FAM13B: variants seen among roughly 807,000 people sequenced by gnomAD.
The protein encoded by FAM13B is family with sequence similarity 13 member B.
In FAM13B, 60 loss-of-function variants were observed where a neutral mutation model predicts 117.3. The ratio of observed to expected loss-of-function variants is 0.51; its 90% CI spans 0.42 to 0.63. The LOEUF (loss-of-function observed/expected upper bound fraction) is 0.63. FAM13B is among the 30% of genes least tolerant of loss of function. The probability of loss-of-function intolerance (pLI) is 0.00; values close to 1 mark genes in which losing one functional copy is unlikely to be tolerated. For synonymous variants in FAM13B, 332 were observed against 356.1 expected (o/e 0.93, Z 0.76); for missense variants, 972 against 1,091.9 (o/e 0.89, Z 1.55).
intron 7 of FAM13B, among the ~76,000 whole-genome samples, chr5:137,997,607 C>A (rs1021464786): frequency 2.6e-5 from 4 of 151,936 alleles, no homozygotes; most frequent in Non-Finnish European, 5.9e-5. Context: ...AAAACTACTG[C>A]TTTTTCATGC....
intron 10 of FAM13B, among the ~76,000 whole-genome samples, chr5:137,974,893 G>A (rs937949194): frequency 6.6e-6 from 1 of 152,006 alleles, no homozygotes; most frequent in Admixed American, 6.6e-5. Flanking sequence ...TGGGTAGAAG[G>A]GAGAATCAAA....
At chr5:137,996,067 T>C (rs146779170) in intron 7 of FAM13B, among the ~76,000 whole-genome samples, 140 of 152,304 alleles carry the variant, frequency 9.2e-4, no homozygotes, top group Non-Finnish European at 1.2e-3. Context: ...ACAGTCCGCA[T>C]ACCCCTCTAG....
At chr5:138,020,575 T>C (rs2150983514) in intron 2 of FAM13B, among the ~76,000 whole-genome samples, 1 of 152,338 alleles carries the variant, frequency 6.6e-6, no homozygotes, top group African/African-American at 2.4e-5. Context: ...ACACATTTAT[T>C]ACTTTACGTA....
In FAM13B at chr5:137,985,974, T is replaced by C. The variant is rs1017821566; in HGVS notation, c.1047-585A>G. ...AAGGACAAACTCCAAGAAATCTGCT[T>C]ACATCCTTTGAAACATTTTCCCACT... is the stretch of plus-strand genomic sequence containing the variant. On this transcript the variant is annotated intron_variant, in intron 9 of 23. Transcript: ENST00000689681. Among the ~76,000 whole-genome samples, 5 of 152,342 alleles carry C rather than the reference T, an allele frequency of 3.3e-5. No homozygotes were observed. In the East Asian group the frequency reaches 9.6e-4, roughly 29 times the overall value.
In FAM13B at chr5:137,945,947, C is replaced by G. The variant is rs767972919; in HGVS notation, c.2295G>C (p.Arg765Ser). The G allele has an allele frequency of 1.2e-6, 2 of 1,613,536 alleles. No homozygotes were observed. The highest frequency in any genetic ancestry group is 8.5e-7 in the Non-Finnish European group (1 of 1,179,736). Reference sequence around the variant, plus strand: ...CTCTTGTCAGCATTTGTTTTACAAGCCTGTATCTATCATAGAGAGGTTTAA... The same window carrying G: ...CTCTTGTCAGCATTTGTTTTACAAGGCTGTATCTATCATAGAGAGGTTTAA... Reference protein sequence around the residue: ...HIVKPLYDRYRLVKQMLTRAS... With the variant: ...HIVKPLYDRYSLVKQMLTRAS... Residue 765 changes from arginine (R) to serine (S), a missense_variant, in exon 20 of 24, where the codon AGG becomes AGC. Transcript: ENST00000689681.
At chr5:138,038,483 G>C (rs968987187) in intron 1 of FAM13B, 1 of 152,126 alleles carries the variant, frequency 6.6e-6, no homozygotes, top group Admixed American at 6.5e-5. Flanking sequence ...TTTTCTCCTT[G>C]AGGTAGTCTC....
At chr5:137,963,749 G>A (rs13362264) in intron 10 of FAM13B, among the ~76,000 whole-genome samples, 22,101 of 152,154 alleles carry the variant, frequency 0.15, 1,780 homozygotes, top group Non-Finnish European at 0.17. Flanking sequence ...CATGAGCTCC[G>A]CGCCTCCAGT....
intron 1 of FAM13B, among the ~76,000 whole-genome samples, chr5:138,038,103 A>T (rs894541444): frequency 6.6e-6 from 1 of 152,190 alleles, no homozygotes; most frequent in Non-Finnish European, 1.5e-5. Flanking sequence ...TCATATCTGG[A>T]TTTATTGCCA....
At chr5:138,004,139 C>T (rs1319715730) in intron 7 of FAM13B, among the ~76,000 whole-genome samples, 2 of 151,842 alleles carry the variant, frequency 1.3e-5, no homozygotes, top group African/African-American at 2.4e-5. Context: ...CACGGTGGTG[C>T]GGGCCTGTAA....
Position 137,956,562 on chromosome 5 carries a change from G to A in FAM13B, c.1442-20C>T, listed in dbSNP as rs763022733. 3 of 1,566,040 alleles carry A rather than the reference G, an allele frequency of 1.9e-6. No homozygotes were observed. Among genetic ancestry groups the A allele is most frequent in the Non-Finnish European group, 1.7e-6 (2 of 1,152,436 alleles). Reference sequence around the variant, plus strand: ...ATGACGCTAATAAAATGGAAAAAATGGCAAAAAATACTAAAGTGAACACAC... The same window carrying A: ...ATGACGCTAATAAAATGGAAAAAATAGCAAAAAATACTAAAGTGAACACAC... On this transcript the variant is annotated intron_variant, in intron 13 of 23. Coordinates refer to ENST00000689681, the MANE Select transcript of FAM13B (RefSeq NM_001385994.1).
In FAM13B at chr5:137,939,760, T is replaced by C. The variant is rs994276885; in HGVS notation, c.*465A>G. 1.1e-5 allele frequency: 8 copies of C among 754,730 alleles called. No homozygotes were observed. The highest frequency in any genetic ancestry group is 4.8e-5 in the Admixed American group (1 of 20,770). The allele number at this position is 754,730 out of a possible 1,614,324, so 46.8% of individuals were successfully genotyped here. A position where few individuals can be genotyped will look rare whatever the true frequency, so the allele number is the denominator to read the frequency against. On this transcript the variant is annotated 3_prime_UTR_variant, in exon 24 of 24. Transcript: ENST00000689681. ...GGAAAACAGAGAACACAGTTGCGTA[T>C]GTGCACTTTTATAGGCTTTTCTTTC...
At chr5:137,964,015 G>A (rs1313869490) in intron 10 of FAM13B, among the ~76,000 whole-genome samples, 1 of 152,084 alleles carries the variant, frequency 6.6e-6, no homozygotes, top group Non-Finnish European at 1.5e-5. Flanking sequence ...AGGTTTCTGG[G>A]CACATGAAAT....
intron 22 of FAM13B, chr5:137,942,594 C>T (rs949195173): frequency 8.5e-6 from 3 of 353,162 alleles, no homozygotes; most frequent in Admixed American, 4.6e-5. Flanking sequence ...AACTCCTGGC[C>T]TCAAGGGATC....
intron 10 of FAM13B, among the ~76,000 whole-genome samples, chr5:137,981,608 A>G (rs1775768050): frequency 6.6e-6 from 1 of 152,180 alleles, no homozygotes. Context: ...CAACACTGTG[A>G]AACCCCGTCT....
intron 23 of FAM13B, among the ~76,000 whole-genome samples, chr5:137,941,675 G>A (rs562989170): frequency 6.6e-6 from 1 of 152,322 alleles, no homozygotes; most frequent in South Asian, 2.1e-4. Context: ...GGGTAAGGAT[G>A]TAGAATTAAA....
At chr5:137,975,818 G>A (rs1214111323) in intron 10 of FAM13B, among the ~76,000 whole-genome samples, 1 of 150,890 alleles carries the variant, frequency 6.6e-6, no homozygotes, top group African/African-American at 2.4e-5. Flanking sequence ...AACTACCCTG[G>A]GTTTTTTTTT....
chr5:137,956,403 A>C, intron 14 of FAM13B, 74 bp downstream of exon 14: 1 of 1,039,488 alleles, frequency 9.6e-7, no homozygotes, highest in Non-Finnish European at 1.4e-6. Flanking sequence ...ACAGCAGGAG[A>C]AGGGCTTAAT....
chr5:137,989,896 G>A (rs1257626325), intron 7 of FAM13B, among the ~76,000 whole-genome samples: 1 of 151,914 alleles, frequency 6.6e-6, no homozygotes, highest in Non-Finnish European at 1.5e-5. Flanking sequence ...AAGCTGGGGG[G>A]AAAAAACCCC....
In FAM13B at chr5:137,954,188, A is replaced by G. The variant is rs559691371; in HGVS notation, c.1696T>C (p.Ser566Pro). Residue 566 changes from serine to proline, a missense_variant, in exon 15 of 24, where the codon TCT (serine) becomes CCT (proline). By Grantham distance (74) the Ser-to-Pro change is moderately conservative (BLOSUM62 -1). Transcript: ENST00000689681. ...TACCTAGTAAAAGACAGTGCTTTAG[A>G]TGAGGAATCCAACTTTTCTGGATCA... ...LHDPEKLDSS[S>P]KALSFTRIRR... The G allele has an allele frequency of 2.2e-5, 35 of 1,613,990 alleles. No homozygotes were observed. The South Asian group carries it at 3.6e-4, about 17-fold the overall frequency.
Sources: allele counts gnomAD v4.1 joint callset (sites outside exome capture counted in the v4.1 genomes callset), GRCh38; gene constraint gnomAD v4.1.1; transcripts MANE v1.5; gene names NCBI Gene and HGNC (gene_info 2026-07-23, HGNC 2026-07-21).